Variants in TMEM175 observed in about 807,000 individuals in gnomAD.
The protein encoded by TMEM175 is endosomal/lysosomal proton channel TMEM175.
A neutral mutation model predicts 36.5 loss-of-function variants in TMEM175; 36 were observed. That is an observed-to-expected ratio of 0.99 (90% confidence interval 0.76 to 1.30). The LOEUF (loss-of-function observed/expected upper bound fraction) is 1.30, where lower values mean the gene tolerates loss of function less well. TMEM175 is among the 50% of genes most tolerant of loss of function. The probability of loss-of-function intolerance (pLI) is 0.00; values close to 1 mark genes in which losing one functional copy is unlikely to be tolerated. For synonymous variants in TMEM175, 339 were observed against 313.4 expected, an observed-to-expected ratio of 1.08 and a Z score of -0.86; for missense variants, 705 against 692.8, an observed-to-expected ratio of 1.02 and a Z score of -0.20.
Position 953,282 on chromosome 4 carries a change from C to T in TMEM175, c.555C>T (p.Val185=). ...SAHRALYRRH[V]LGIVLQGPAL... Reference sequence around the variant, plus strand: ...ACAGGGCTCTGTACCGACGACACGTCCTGGGCATCGTCCTCCAAGGCCCGG... The same window carrying T: ...ACAGGGCTCTGTACCGACGACACGTTCTGGGCATCGTCCTCCAAGGCCCGG... Residue 185 remains valine, a synonymous_variant, in exon 8 of 11, where the codon GTC becomes GTT. Transcript: ENST00000264771. 1 of 1,614,114 alleles carries T rather than the reference C, an allele frequency of 6.2e-7. No individual in the cohort carries two copies. The highest frequency in any genetic ancestry group is 8.5e-7 in the Non-Finnish European group (1 of 1,179,994).
rs988034539 is a variant in TMEM175, at chr4:950,421, C to T, written c.193C>T (p.Gln65Ter). ...VTHTEISPEQQFDRSVQRLLA... is the reference protein window; with the variant it reads ...VTHTEISPEQ ...TGACAGCAGTGCTCTTGTATTCCAGCAGTTCGACAGAAGTGTACAGAGGCT... is the reference window on the plus strand; with the variant it reads ...TGACAGCAGTGCTCTTGTATTCCAGTAGTTCGACAGAAGTGTACAGAGGCT... Residue 65 changes from glutamine (Q) to a stop codon, truncating the protein, a stop_gained and splice_region_variant, in exon 4 of 11, where the codon CAG becomes TAG. Coordinates refer to ENST00000264771, the MANE Select transcript of TMEM175 (RefSeq NM_032326.4). LOFTEE classifies it high-confidence loss of function. The T allele has an allele frequency of 6.2e-6, 10 of 1,611,754 alleles. No individual in the cohort carries two copies. Among genetic ancestry groups the T allele is most frequent in the Non-Finnish European group, 8.5e-6 (10 of 1,178,052 alleles).
chr4:949,899 G>A (rs990939073), intron 3 of TMEM175, among the ~76,000 whole-genome samples: 8 of 152,138 alleles, frequency 5.3e-5, no homozygotes, highest in South Asian at 4.1e-4. Context: ...TCCGCATGCC[G>A]GACGCCTCAC....
intron 1 of TMEM175, among the ~76,000 whole-genome samples, chr4:941,949 G>A (rs906469806): frequency 4.6e-5 from 7 of 151,908 alleles, no homozygotes; most frequent in South Asian, 2.1e-4. Flanking sequence ...GATTTTCTCC[G>A]GCATCATCTT....
chr4:941,789 GCCAGGC>G (rs976500335), intron 1 of TMEM175, among the ~76,000 whole-genome samples: 2 of 151,902 alleles, frequency 1.3e-5, no homozygotes, highest in Non-Finnish European at 2.9e-5. Context: ...ATCAATTTTG[GCCAGGC>G]GTGGTGGCTC....
At chr4:945,516 ATTGC>A (rs1289717931) in intron 1 of TMEM175, among the ~76,000 whole-genome samples, 1 of 151,860 alleles carries the variant, frequency 6.6e-6, no homozygotes, top group Non-Finnish European at 1.5e-5. Context: ...GATCTCCCTG[ATTGC>A]TAGTGAAGTG....
At chr4:952,029 CTGTA>C in intron 6 of TMEM175, 1 of 584,716 alleles carries the variant, frequency 1.7e-6, no homozygotes, top group East Asian at 2.8e-5. Flanking sequence ...ACCACCCGCC[CTGTA>C]CTACTCAGGC....
chr4:957,774 T>C lies in TMEM175; in HGVS notation c.843-50T>C, dbSNP rs1170724019. On this transcript the variant is annotated intron_variant, in intron 10 of 10. Transcript: ENST00000264771. Reference sequence around the variant, plus strand: ...GGCGCTCAGCCACCCTGCTGGGGCCTGTGTGGCCACGGCAAGGCCGGCACA... The same window carrying C: ...GGCGCTCAGCCACCCTGCTGGGGCCCGTGTGGCCACGGCAAGGCCGGCACA... The C allele has an allele frequency of 4.5e-6, 7 of 1,543,102 alleles. No individual in the cohort carries two copies. In the South Asian group the frequency reaches 8.7e-5, roughly 19 times the overall value.
chr4:950,981 G>A (rs1194735706), intron 4 of TMEM175, among the ~76,000 whole-genome samples: 1 of 152,012 alleles, frequency 6.6e-6, no homozygotes, highest in Non-Finnish European at 1.5e-5. Context: ...AGGCGGAGGT[G>A]TGGGCGGTGC....
intron 4 of TMEM175, 35 bp downstream of exon 4, chr4:950,553 G>T: frequency 6.6e-7 from 1 of 1,522,322 alleles, no homozygotes; most frequent in Non-Finnish European, 9.1e-7. Context: ...GTCCATAGCT[G>T]CTCTCAAGGT....
rs376833253 is a variant in TMEM175 at position 956,102 on chromosome 4, C to T, written c.842+212C>T. On this transcript the variant is annotated intron_variant, in intron 10 of 10. Transcript: ENST00000264771. ...CCCTTCCCAGCGGCCCCTCCCTTCC[C>T]AGCGGCTCCCACCCCAAGCACAGCC... Among the ~76,000 whole-genome samples, 769 of 152,040 alleles carry T rather than the reference C, an allele frequency of 5.1e-3. 7 individuals are homozygous for T. Among genetic ancestry groups the T allele is most frequent in the African/African-American group, 0.017 (719 of 41,388 alleles).
At chr4:956,916 T>G (rs1034150652) in intron 10 of TMEM175, 1 of 159,946 alleles carries the variant, frequency 6.3e-6, no homozygotes, top group Non-Finnish European at 1.4e-5. Context: ...GTCGTGTGCA[T>G]TTTTAAAAAC....
In TMEM175 at chr4:948,479, C is replaced by A. The variant is rs1392361101; in HGVS notation, c.192+325C>A. ...GAAGAGGAAGGTTCCGGGCCTGCCCCAAGGACAGAAGTTTCCTCTGCGGGA... is the reference window on the plus strand; with the variant it reads ...GAAGAGGAAGGTTCCGGGCCTGCCCAAAGGACAGAAGTTTCCTCTGCGGGA... On this transcript the variant is annotated intron_variant, in intron 3 of 10. Coordinates refer to ENST00000264771, the MANE Select transcript of TMEM175 (RefSeq NM_032326.4). 3 of 1,446,386 alleles carry A rather than the reference C, an allele frequency of 2.1e-6. No homozygotes were observed. In the African/African-American group the frequency reaches 4.2e-5, roughly 20 times the overall value. The allele number at this position is 1,446,386 out of a possible 1,614,324, so 89.6% of individuals were successfully genotyped here.
At chr4:955,226 G>C (rs568420147) in intron 8 of TMEM175, among the ~76,000 whole-genome samples, 179 bp from the exon 9 acceptor site, 1 of 152,208 alleles carries the variant, frequency 6.6e-6, no homozygotes, top group Admixed American at 6.5e-5. Flanking sequence ...ACAGGCATGA[G>C]CCACTGTGCT....
rs893458928 is a variant in TMEM175, at chr4:947,607, C to T, written c.-31-102C>T. On this transcript the variant is annotated intron_variant, in intron 1 of 10. Coordinates refer to ENST00000264771, the MANE Select transcript of TMEM175 (RefSeq NM_032326.4). ...CTTCCCCTGCTCAGTGGCGGCCAAG[C>T]CCCCCCCCATACCAGTCCCTGTCCC... The T allele has an allele frequency of 7.4e-5, 62 of 838,262 alleles. 1 individual carries two copies. In the South Asian group the frequency reaches 1.0e-3, roughly 14 times the overall value. 51.9% of individuals were successfully genotyped at this position (838,262 alleles called of 1,614,324 possible). A position where few individuals can be genotyped will look rare whatever the true frequency, so the allele number is the denominator to read the frequency against.
Position 958,579 on chromosome 4 carries a change from G to A in TMEM175, c.*83G>A, listed in dbSNP as rs112244465. 84 of 1,210,710 alleles carry A rather than the reference G, an allele frequency of 6.9e-5. No homozygotes were observed. In the African/African-American group the frequency reaches 8.6e-4, roughly 12 times the overall value. 75.0% of individuals were successfully genotyped at this position (1,210,710 alleles called of 1,614,324 possible). On this transcript the variant is annotated 3_prime_UTR_variant, in exon 11 of 11. Transcript: ENST00000264771. ...TGCTGGGCAGGGGAAGCCAAGTCAC[G>A]GGCAGGCCGCAGTGGTTCTTGCGTG...
rs968991813 is a variant in TMEM175 at position 951,541 on chromosome 4, G to A, written c.343-141G>A. 8.1e-6 allele frequency: 9 copies of A among 1,108,678 alleles called. No individual in the cohort carries two copies. In the African/African-American group the frequency reaches 1.2e-4, roughly 15 times the overall value. 68.7% of individuals were successfully genotyped at this position (1,108,678 alleles called of 1,614,324 possible). On this transcript the variant is annotated intron_variant, in intron 5 of 10. Coordinates refer to ENST00000264771, the MANE Select transcript of TMEM175 (RefSeq NM_032326.4). ...GAGTGCCCCCATCTGGCCCTGCAGG[G>A]TCTGGGGGCTGGACTCACACTCGCT...
intron 8 of TMEM175, among the ~76,000 whole-genome samples, chr4:954,470 G>A (rs570601210): frequency 2.0e-5 from 3 of 151,770 alleles, no homozygotes; most frequent in South Asian, 2.1e-4. Flanking sequence ...TGCTGGAGAC[G>A]TGTAGGTGTC....
At chr4:934,163 G>T (rs1726523056) in intron 1 of TMEM175, among the ~76,000 whole-genome samples, 1 of 152,260 alleles carries the variant, frequency 6.6e-6, no homozygotes, top group Non-Finnish European at 1.5e-5. Flanking sequence ...GAGAGCTCAG[G>T]AAAGAATCCC....
At chr4:943,439 A>T (rs1577398511) in intron 1 of TMEM175, among the ~76,000 whole-genome samples, 1 of 152,100 alleles carries the variant, frequency 6.6e-6, no homozygotes, top group South Asian at 2.1e-4. Context: ...TTTAGTAGAG[A>T]TGGGGTTTCA....
Sources: gnomAD v4.1 joint callset for allele counts (sites outside exome capture counted in the v4.1 genomes callset) on GRCh38, gnomAD v4.1.1 for gene constraint, MANE v1.5 for transcripts, NCBI Gene and HGNC (gene_info 2026-07-23, HGNC 2026-07-21) for gene names.